The following RPE variants were observed in gnomAD, a reference collection of about 807,000 sequenced individuals.
RPE encodes the protein ribulose-phosphate 3-epimerase.
In RPE, 16 loss-of-function variants were observed where a neutral mutation model predicts 24.6. The observed-to-expected ratio is 0.65, with a 90% CI of 0.44 to 0.99. The LOEUF (loss-of-function observed/expected upper bound fraction) is 0.99. RPE is among the 50% of genes least tolerant of loss of function. The pLI, the probability that RPE is intolerant of heterozygous loss-of-function variation, is 0.00. For missense variants in RPE, 240 were observed against 294.5 expected (o/e 0.81, Z 1.35); for synonymous variants, 93 against 98.4 (o/e 0.94, Z 0.33).
At chr2:210,017,208 A>T (rs1345057659) in intron 4 of RPE, among the ~76,000 whole-genome samples, 1 of 152,226 alleles carries the variant, frequency 6.6e-6, no homozygotes, top group African/African-American at 2.4e-5. Flanking sequence ...GTTGTCATTG[A>T]CTATTGAGGA....
Position 210,016,920 on chromosome 2 carries a change from T to C in RPE, c.477+279T>C, listed in dbSNP as rs2093779891. 2.0e-5 allele frequency among the ~76,000 whole-genome samples: 3 copies of C among 152,194 alleles called. No individual in the cohort carries two copies. The South Asian group carries it at 6.2e-4, about 32-fold the overall frequency. ...ATGCAGTAATTCAATTAGGGTTCAT[T>C]GCAGCCTTGACCTCCTGGACTCAAG... On this transcript the variant is annotated intron_variant, in intron 4 of 5. Coordinates refer to ENST00000359429, the MANE Select transcript of RPE (RefSeq NM_199229.3).
intron 5 of RPE, chr2:210,018,286 C>G (rs1479129754): frequency 3.4e-6 from 5 of 1,483,738 alleles, no homozygotes; most frequent in Non-Finnish European, 4.4e-6. Flanking sequence ...TCTTTAGAAC[C>G]TACATATTAT....
chr2:210,018,216 TA>T (rs1167554153), intron 5 of RPE: 10 of 1,534,360 alleles, frequency 6.5e-6, no homozygotes, highest in African/African-American at 1.4e-5. Flanking sequence ...AATACGGAAT[TA>T]AAAGGTACTA....
At chr2:210,003,026 T>C (rs1422810371) in intron 1 of RPE, among the ~76,000 whole-genome samples, 2 of 152,146 alleles carry the variant, frequency 1.3e-5, no homozygotes, top group Non-Finnish European at 2.9e-5. Flanking sequence ...TAACGTGTGG[T>C]CTTCCATCAC....
At chr2:210,006,689 G>A (rs774533431) in intron 1 of RPE, among the ~76,000 whole-genome samples, 1 of 152,182 alleles carries the variant, frequency 6.6e-6, no homozygotes, top group Non-Finnish European at 1.5e-5. Flanking sequence ...AGAACAGTAT[G>A]TGAAATTCAG....
At chr2:210,005,130 G>T (rs771175873) in intron 1 of RPE, among the ~76,000 whole-genome samples, 1 of 152,154 alleles carries the variant, frequency 6.6e-6, no homozygotes, top group African/African-American at 2.4e-5. Flanking sequence ...TGGTGCCAGT[G>T]CCCCTACGTG....
intron 1 of RPE, 143 bp from the exon 2 acceptor site, chr2:210,009,514 T>G: frequency 9.3e-7 from 1 of 1,073,722 alleles, no homozygotes; most frequent in Non-Finnish European, 1.4e-6. Flanking sequence ...CCATTATTTT[T>G]AGTATTATTT....
chr2:210,016,153 CAGTT>C, intron 3 of RPE, 41 bp downstream of exon 3: 3 of 1,614,062 alleles, frequency 1.9e-6, no homozygotes, highest in Non-Finnish European at 2.5e-6. Flanking sequence ...CATTCACTCT[CAGTT>C]GGGAAGATTT....
Position 210,002,748 on chromosome 2 carries a change from TG to T in RPE, c.91del (p.Ala31ProfsTer8). ...CCGAGTGCCTCCGGATGCTAGACTCTGGGGCCGATTATCTGCACCTGGACGT... is the reference window on the plus strand; with the variant it reads ...CCGAGTGCCTCCGGATGCTAGACTCTGGGCCGATTATCTGCACCTGGACGT... ...GAECLRMLDS[G>X]ADYLHLDVMD... On this transcript the variant is annotated frameshift_variant, in exon 1 of 6. Transcript: ENST00000359429. LOFTEE classifies it high-confidence loss of function. 1 of 1,614,158 alleles carries T rather than the reference TG, an allele frequency of 6.2e-7. No homozygotes were observed. Among genetic ancestry groups the T allele is most frequent in the Non-Finnish European group, 8.5e-7 (1 of 1,180,002 alleles).
chr2:210,014,092 G>GT (rs1392788966), intron 2 of RPE, among the ~76,000 whole-genome samples: 3 of 150,404 alleles, frequency 2.0e-5, no homozygotes, highest in Non-Finnish European at 4.4e-5. Context: ...AGGTTTTTTT[G>GT]TTTTTTGTTT....
intron 1 of RPE, among the ~76,000 whole-genome samples, chr2:210,004,998 AT>A (rs1188686834): frequency 9.9e-5 from 15 of 152,208 alleles, no homozygotes; most frequent in African/African-American, 3.4e-4. Context: ...TTCCCTTTTA[AT>A]CTTCTCTACT....
intron 5 of RPE, chr2:210,018,371 G>T (rs1442459214): frequency 1.5e-6 from 2 of 1,296,834 alleles, no homozygotes; most frequent in East Asian, 3.2e-5. Flanking sequence ...TTGGCTATCT[G>T]TATAGAAGTA....
chr2:210,013,739 C>T (rs2093731609), intron 2 of RPE, among the ~76,000 whole-genome samples: 1 of 152,062 alleles, frequency 6.6e-6, no homozygotes, highest in African/African-American at 2.4e-5. Context: ...TCAAGCAATC[C>T]ACTTGCCTTG....
At chr2:210,010,110 G>A (rs774036773) in intron 2 of RPE, among the ~76,000 whole-genome samples, 1 of 152,186 alleles carries the variant, frequency 6.6e-6, no homozygotes, top group Non-Finnish European at 1.5e-5. Flanking sequence ...AACTCTCTGA[G>A]GGCGGGGATT....
At chr2:210,016,284 G>A in intron 3 of RPE, 172 bp downstream of exon 3, 1 of 1,611,732 alleles carries the variant, frequency 6.2e-7, no homozygotes, top group South Asian at 1.1e-5. Flanking sequence ...TTAAGCAGCT[G>A]TTCTTCAGCT....
rs1230680970 is a variant in RPE at position 210,017,636 on chromosome 2, G to A, written c.564+77G>A. ...CCAGGACATTGTCTCATGGGCCAGC[G>A]ATTCCCTCTGTGGTTCCTAAGTTGA... On this transcript the variant is annotated intron_variant, in intron 5 of 5. Coordinates refer to ENST00000359429, the MANE Select transcript of RPE (RefSeq NM_199229.3). 4.5e-6 allele frequency: 6 copies of A among 1,339,690 alleles called. No individual in the cohort carries two copies. In the Admixed American group the frequency reaches 1.1e-4, roughly 24 times the overall value. 83.0% of individuals were successfully genotyped at this position (1,339,690 alleles called of 1,614,324 possible).
At chr2:210,018,603 A>C in intron 5 of RPE, 2 of 985,268 alleles carry the variant, frequency 2.0e-6, no homozygotes, top group Non-Finnish European at 2.4e-6. Context: ...ATACTTATGC[A>C]GGAGGGGCTG....
chr2:210,019,992 T>C lies in RPE; in HGVS notation c.*201T>C, dbSNP rs1437759330. 1.9e-5 allele frequency: 10 copies of C among 519,920 alleles called. No individual in the cohort carries two copies. The highest frequency in any genetic ancestry group is 1.8e-4 in the South Asian group (5 of 27,890). The allele number at this position is 519,920 out of a possible 1,614,324, so 32.2% of individuals were successfully genotyped here. A position where few individuals can be genotyped will look rare whatever the true frequency, so the allele number is the denominator to read the frequency against. On this transcript the variant is annotated 3_prime_UTR_variant, in exon 6 of 6. Coordinates refer to ENST00000359429, the MANE Select transcript of RPE (RefSeq NM_199229.3). ...ATAACTACATTTTTAGTGATGCAAT[T>C]TATTGATTAGTGAGTAAGATACTGT...
chr2:210,018,801 A>T, intron 5 of RPE: 6 of 542,376 alleles, frequency 1.1e-5, no homozygotes, highest in Non-Finnish European at 1.4e-5. Context: ...TAGCGTTCCA[A>T]TAATGGAACA....
Sources: allele counts gnomAD v4.1 joint callset (sites outside exome capture counted in the v4.1 genomes callset), GRCh38; gene constraint gnomAD v4.1.1; transcripts MANE v1.5; gene names NCBI Gene and HGNC (gene_info 2026-07-23, HGNC 2026-07-21).